Variants in SLC35F1 observed in about 807,000 individuals in gnomAD.
The protein encoded by SLC35F1 is solute carrier family 35 member F1.
Under a neutral mutation model 48.7 loss-of-function variants are expected in SLC35F1, and 14 were observed. That is an observed-to-expected ratio of 0.29 (90% CI 0.19 to 0.45). SLC35F1 has a LOEUF of 0.45. Among genes scored for constraint, SLC35F1 ranks in the 20% least tolerant of loss-of-function variants. The pLI, the probability that SLC35F1 is intolerant of heterozygous loss-of-function variation, is 1.00. For synonymous variants in SLC35F1, 190 were observed against 202.2 expected (o/e 0.94, Z 0.51); for missense variants, 404 against 500.0 (o/e 0.81, Z 1.83).
intron 2 of SLC35F1, among the ~76,000 whole-genome samples, chr6:118,197,220 C>T (rs1405876887): frequency 6.6e-6 from 1 of 151,778 alleles, no homozygotes; most frequent in Non-Finnish European, 1.5e-5. Flanking sequence ...CCTTTCTTTA[C>T]TTCCCCCCTT....
chr6:118,304,999 T>TTTTTTTTTTTTTTTTTTTTTTTGAG (rs1582780117), intron 7 of SLC35F1, among the ~76,000 whole-genome samples: 1 of 143,146 alleles, frequency 7.0e-6, no homozygotes, highest in Non-Finnish European at 1.5e-5. Flanking sequence ...CAAAGATCTT[T>TTTTTTTTTTTTTTTTTTTTTTTGAG]AGTGTCACAG....
intron 1 of SLC35F1, among the ~76,000 whole-genome samples, chr6:118,063,475 AT>A (rs375591127): frequency 5.7e-4 from 86 of 152,080 alleles, no homozygotes; most frequent in African/African-American, 1.9e-3. Context: ...AAATGTATGC[AT>A]TTTTTTCTCT....
At chr6:118,059,937 A>C (rs1253375245) in intron 1 of SLC35F1, among the ~76,000 whole-genome samples, 3 of 152,236 alleles carry the variant, frequency 2.0e-5, no homozygotes, top group Non-Finnish European at 4.4e-5. Flanking sequence ...TAGTGTTTAT[A>C]AAATACGCTT....
At chr6:118,027,029 T>C (rs1041015135) in intron 1 of SLC35F1, among the ~76,000 whole-genome samples, 1 of 152,208 alleles carries the variant, frequency 6.6e-6, no homozygotes, top group African/African-American at 2.4e-5. Flanking sequence ...TCTTTGTCTT[T>C]TCCAGAATGT....
chr6:118,001,614 C>G (rs1395773718), intron 1 of SLC35F1, among the ~76,000 whole-genome samples: 2 of 151,966 alleles, frequency 1.3e-5, no homozygotes, highest in South Asian at 4.2e-4. Context: ...TCTAATTAAA[C>G]TAAAGAGCTT....
chr6:117,994,894 A>G (rs1461403590), intron 1 of SLC35F1, among the ~76,000 whole-genome samples: 3 of 152,246 alleles, frequency 2.0e-5, no homozygotes, highest in African/African-American at 7.2e-5. Flanking sequence ...AAGCAAACCA[A>G]TTAATACAAT....
intron 1 of SLC35F1, among the ~76,000 whole-genome samples, chr6:117,929,348 T>C (rs1303828920): frequency 2.6e-5 from 4 of 151,916 alleles, no homozygotes; most frequent in Non-Finnish European, 5.9e-5. Context: ...ACCAAATCCC[T>C]GGCATTTGGT....
intron 2 of SLC35F1, among the ~76,000 whole-genome samples, chr6:118,201,254 C>T (rs1486818083): frequency 6.6e-6 from 1 of 151,778 alleles, no homozygotes; most frequent in Non-Finnish European, 1.5e-5. Flanking sequence ...TCAGAATTTG[C>T]CAAAGATCAG....
At chr6:118,115,037 C>A (rs17822466) in intron 1 of SLC35F1, among the ~76,000 whole-genome samples, 1 of 151,962 alleles carries the variant, frequency 6.6e-6, no homozygotes, top group Admixed American at 6.6e-5. Context: ...TAGCCTTGAC[C>A]TTAAGTGTCA....
intron 1 of SLC35F1, among the ~76,000 whole-genome samples, chr6:118,093,828 C>T (rs1041883962): frequency 2.6e-5 from 4 of 152,188 alleles, no homozygotes; most frequent in African/African-American, 4.8e-5. Context: ...CCAGTAAGGT[C>T]GGAGAAAACC....
chr6:118,311,324 T>A (rs74339386), intron 7 of SLC35F1, among the ~76,000 whole-genome samples: 2,019 of 152,326 alleles, frequency 0.013, 52 homozygotes, highest in African/African-American at 0.045. Flanking sequence ...ACTCCACTGG[T>A]ACAGGCTGAT....
chr6:118,082,256 A>G (rs938279862), intron 1 of SLC35F1, among the ~76,000 whole-genome samples: 1 of 152,208 alleles, frequency 6.6e-6, no homozygotes, highest in Non-Finnish European at 1.5e-5. Flanking sequence ...ACTGATCTAA[A>G]TGATTGTTTA....
chr6:118,039,315 A>C (rs1232405017), intron 1 of SLC35F1, among the ~76,000 whole-genome samples: 1 of 151,966 alleles, frequency 6.6e-6, no homozygotes, highest in Non-Finnish European at 1.5e-5. Flanking sequence ...GCAGCTTATG[A>C]TGTATTTAAG....
rs139044630 is a variant in SLC35F1, at chr6:118,287,056, T to G, written c.1002+1718T>G. Among the ~76,000 whole-genome samples the G allele has an allele frequency of 4.0e-3, 602 of 152,184 alleles. 6 individuals carry two copies. The highest frequency in any genetic ancestry group is 0.014 in the Middle Eastern group (4 of 294). ...GAAAGTATCTAGGACTAGGCAATGTTTATTGTTTGCAGTTTGTTTCGTCTG... is the reference window on the plus strand; with the variant it reads ...GAAAGTATCTAGGACTAGGCAATGTGTATTGTTTGCAGTTTGTTTCGTCTG... On this transcript the variant is annotated intron_variant, in intron 7 of 7. Coordinates refer to ENST00000360388, the MANE Select transcript of SLC35F1 (RefSeq NM_001029858.4).
chr6:117,972,151 A>T (rs1354750081), intron 1 of SLC35F1, among the ~76,000 whole-genome samples: 2 of 152,102 alleles, frequency 1.3e-5, no homozygotes, highest in African/African-American at 4.8e-5. Context: ...GTTTTCACAG[A>T]TCTCTAAGGT....
chr6:117,912,858 C>T (rs1241790823), intron 1 of SLC35F1, among the ~76,000 whole-genome samples: 1 of 152,118 alleles, frequency 6.6e-6, no homozygotes, highest in Non-Finnish European at 1.5e-5. Flanking sequence ...AGGTAATTAA[C>T]GTGTATTAAA....
intron 1 of SLC35F1, among the ~76,000 whole-genome samples, chr6:118,106,267 A>G (rs560823923): frequency 6.6e-6 from 1 of 152,160 alleles, no homozygotes; most frequent in East Asian, 1.9e-4. Flanking sequence ...TAAACTATGA[A>G]TTCTTTCTCT....
intron 1 of SLC35F1, among the ~76,000 whole-genome samples, chr6:117,947,350 T>A (rs1451064862): frequency 6.6e-6 from 1 of 151,984 alleles, no homozygotes; most frequent in African/African-American, 2.4e-5. Flanking sequence ...ATTCTAGAGA[T>A]GAAAGGAGGA....
intron 1 of SLC35F1, among the ~76,000 whole-genome samples, chr6:117,915,996 T>C (rs1483920041): frequency 6.6e-6 from 1 of 152,144 alleles, no homozygotes; most frequent in Non-Finnish European, 1.5e-5. Flanking sequence ...TTAATACTTG[T>C]TTGTTGAAAG....
Sources: allele counts gnomAD v4.1 joint callset (sites outside exome capture counted in the v4.1 genomes callset), GRCh38; gene constraint gnomAD v4.1.1; transcripts MANE v1.5; gene names NCBI Gene and HGNC (gene_info 2026-07-23, HGNC 2026-07-21).